Variants in TENM2 observed in about 807,000 individuals in gnomAD.
TENM2 encodes the protein teneurin transmembrane protein 2, also known as teneurin-2.
A neutral mutation model predicts 245.2 loss-of-function variants in TENM2; 52 were observed. That is an observed-to-expected ratio of 0.21 (90% confidence interval 0.17 to 0.27). The LOEUF (loss-of-function observed/expected upper bound fraction) is 0.27, where lower values mean the gene tolerates loss of function less well. Ranked by LOEUF, TENM2 falls within the 10% of genes least tolerant of loss-of-function variation. The pLI is 1.00. For missense variants in TENM2, 3,046 were observed against 3,666.8 expected (o/e 0.83, Z 4.37); for synonymous variants, 1,363 against 1,438.9 (o/e 0.95, Z 1.19).
At chr5:168,090,759 T>C (rs375056639) in exon 8 of TENM2, 26 of 1,613,514 alleles carry the variant, frequency 1.6e-5, no homozygotes, top group South Asian at 7.7e-5. Flanking sequence ...CCTTCAATAC[T>C]GTTGTCCTAG....
chr5:167,399,128 A>T (rs938320844), intron 2 of TENM2, among the ~76,000 whole-genome samples: 2 of 152,146 alleles, frequency 1.3e-5, no homozygotes, highest in African/African-American at 4.8e-5. Flanking sequence ...TCTGCCTCGT[A>T]TATCAAAAAG....
At chr5:167,296,509 G>A (rs1754956494) in intron 1 of TENM2, 1 of 151,814 alleles carries the variant, frequency 6.6e-6, no homozygotes, top group Non-Finnish European at 1.5e-5. Context: ...TGCAACTGGA[G>A]CATTGATGGA....
At chr5:167,481,134 G>A (rs1435985082) in intron 2 of TENM2, among the ~76,000 whole-genome samples, 1 of 152,064 alleles carries the variant, frequency 6.6e-6, no homozygotes, top group African/African-American at 2.4e-5. Flanking sequence ...TTATATAAAG[G>A]CATTTCAGTT....
chr5:168,157,694 A>G (rs1158755720), intron 12 of TENM2, among the ~76,000 whole-genome samples: 1 of 152,176 alleles, frequency 6.6e-6, no homozygotes, highest in African/African-American at 2.4e-5. Context: ...AATGGGGTAG[A>G]TACCTGGATG....
At chr5:167,518,095 A>G (rs1260137482) in intron 2 of TENM2, among the ~76,000 whole-genome samples, 1 of 151,756 alleles carries the variant, frequency 6.6e-6, no homozygotes, top group Non-Finnish European at 1.5e-5. Context: ...CTGAGGCAGG[A>G]GATTGTAGTG....
At chr5:167,682,776 T>C (rs1488776335) in intron 2 of TENM2, among the ~76,000 whole-genome samples, 1 of 152,074 alleles carries the variant, frequency 6.6e-6, no homozygotes, top group African/African-American at 2.4e-5. Context: ...CTTTAGATGG[T>C]ATAGGCACAG....
chr5:167,237,135 A>G, the TENM2 span, among the ~76,000 whole-genome samples: 1 of 152,174 alleles, frequency 6.6e-6, no homozygotes, highest in Non-Finnish European at 1.5e-5. Context: ...CATAAACTCT[A>G]TAGCAGTATG....
At chr5:167,204,526 T>A in the TENM2 span, among the ~76,000 whole-genome samples, 2 of 152,234 alleles carry the variant, frequency 1.3e-5, no homozygotes, top group African/African-American at 2.4e-5. Context: ...ATTGAAATCC[T>A]TAGCGGAATC....
chr5:167,087,456 C>G, the TENM2 span, among the ~76,000 whole-genome samples: 2 of 152,112 alleles, frequency 1.3e-5, no homozygotes, highest in Admixed American at 6.5e-5. Context: ...ATTTCCTCTC[C>G]AAGTTTTGAA....
chr5:167,987,332 C>CTT (rs199696701), intron 4 of TENM2, among the ~76,000 whole-genome samples: 2 of 143,162 alleles, frequency 1.4e-5, no homozygotes, highest in Non-Finnish European at 1.5e-5. Context: ...TCTTCGCTTC[C>CTT]TTTTTTTTTT....
chr5:167,428,398 G>GT (rs1454518024), intron 2 of TENM2, among the ~76,000 whole-genome samples: 7 of 151,964 alleles, frequency 4.6e-5, no homozygotes, highest in Non-Finnish European at 8.8e-5. Context: ...CTGCTATTGT[G>GT]TTTTTTTAAA....
chr5:167,966,663 A>C (rs904969255), intron 4 of TENM2, among the ~76,000 whole-genome samples: 2 of 152,180 alleles, frequency 1.3e-5, no homozygotes, highest in African/African-American at 4.8e-5. Context: ...GAGTGCAAAG[A>C]CTATTCCAAA....
At chr5:167,593,067 A>G (rs1012377849) in intron 2 of TENM2, among the ~76,000 whole-genome samples, 1 of 152,156 alleles carries the variant, frequency 6.6e-6, no homozygotes, top group African/African-American at 2.4e-5. Context: ...CATTTAATTC[A>G]TTTGGAAATT....
chr5:167,420,518 G>T (rs541769704), intron 2 of TENM2, among the ~76,000 whole-genome samples: 16 of 152,148 alleles, frequency 1.1e-4, no homozygotes, highest in African/African-American at 3.4e-4. Context: ...CCAGCCATGC[G>T]GTCTTTGAAT....
At chr5:167,093,734 C>T in the TENM2 span, among the ~76,000 whole-genome samples, 2 of 152,094 alleles carry the variant, frequency 1.3e-5, no homozygotes, top group African/African-American at 4.8e-5. Flanking sequence ...GTGTGGACTC[C>T]TTAGGCTTCC....
At chr5:168,098,207 C>T (rs1793522999) in intron 9 of TENM2, 80 bp downstream of exon 11, 9 of 952,846 alleles carry the variant, frequency 9.4e-6, no homozygotes, top group South Asian at 5.6e-5. Context: ...GAAGGGACAT[C>T]CAAGTAGCCT....
At chr5:167,928,190 C>G (rs1053233062) in intron 3 of TENM2, among the ~76,000 whole-genome samples, 1 of 152,152 alleles carries the variant, frequency 6.6e-6, no homozygotes, top group African/African-American at 2.4e-5. Context: ...TTTCTTGTCT[C>G]TCCTATTGGC....
chr5:167,360,411 T>G (rs1759637194), intron 1 of TENM2, among the ~76,000 whole-genome samples: 1 of 152,200 alleles, frequency 6.6e-6, no homozygotes, highest in Non-Finnish European at 1.5e-5. Context: ...AATGAGTTAA[T>G]GGATGTACTA....
exon 29 of TENM2, chr5:168,262,482 C>T (rs776733212): frequency 1.0e-5 from 16 of 1,560,314 alleles, no homozygotes; most frequent in African/African-American, 2.7e-5. Flanking sequence ...CGAAGGTTCA[C>T]GAACATTGAG....
Sources: allele counts gnomAD v4.1 joint callset (sites outside exome capture counted in the v4.1 genomes callset), GRCh38; gene constraint gnomAD v4.1.1; transcripts MANE v1.5; gene names NCBI Gene and HGNC (gene_info 2026-07-23, HGNC 2026-07-21).